Variants in NIPAL1 observed in about 807,000 individuals in gnomAD.
NIPAL1 encodes the protein magnesium transporter NIPA3.
In NIPAL1, 35 loss-of-function variants were observed where a neutral mutation model predicts 37.7. The observed-to-expected ratio is 0.93, with a 90% CI of 0.71 to 1.23. NIPAL1 has a LOEUF of 1.23. NIPAL1 is among the 50% of genes most tolerant of loss of function. The probability of loss-of-function intolerance (pLI) is 0.00; values close to 1 mark genes in which losing one functional copy is unlikely to be tolerated. For missense variants in NIPAL1, 412 were observed against 473.9 expected, an observed-to-expected ratio of 0.87 and a Z score of 1.21; for synonymous variants, 162 against 183.0, an observed-to-expected ratio of 0.89 and a Z score of 0.93.
At position 48,033,089 on chromosome 4, in the gene NIPAL1, T is replaced by C; in HGVS notation, c.461+6T>C. ...GCTTTGAGTGTTCTCATAAGGTATGTGAGCAACAGGGAACTTGGCTTCTGT... is the reference window on the plus strand; with the variant it reads ...GCTTTGAGTGTTCTCATAAGGTATGCGAGCAACAGGGAACTTGGCTTCTGT... On this transcript the variant is annotated splice_donor_region_variant and intron_variant, in intron 4 of 5. Transcript: ENST00000295461. 1.3e-6 allele frequency: 2 copies of C among 1,585,952 alleles called. No individual in the cohort carries two copies. Among genetic ancestry groups the C allele is most frequent in the South Asian group, 1.1e-5 (1 of 89,806 alleles).
chr4:48,026,091 A>G (rs963431676), intron 2 of NIPAL1, among the ~76,000 whole-genome samples: 1 of 152,108 alleles, frequency 6.6e-6, no homozygotes, highest in African/African-American at 2.4e-5. Flanking sequence ...TACCTAGGAT[A>G]ATTTTTAGTT....
chr4:48,025,040 T>C (rs1361745194), intron 1 of NIPAL1, 28 bp from the exon 2 acceptor site: 4 of 1,604,708 alleles, frequency 2.5e-6, no homozygotes, highest in South Asian at 1.1e-5. Context: ...CTTTCATTCC[T>C]GACATTCTCT....
chr4:48,025,957 T>A (rs1218092432), intron 2 of NIPAL1, among the ~76,000 whole-genome samples: 1 of 152,136 alleles, frequency 6.6e-6, no homozygotes, highest in Non-Finnish European at 1.5e-5. Flanking sequence ...AGCTCACTCA[T>A]CCTTCAGACT....
In NIPAL1 at chr4:48,020,763, C is replaced by T. The variant is rs1715551875; in HGVS notation, c.46+3878C>T. Reference sequence around the variant, plus strand: ...CAACATCAGGTGAAGCACCTTTGCCCACATTGGGAAAGGTAAGGGGCTGAA... The same window carrying T: ...CAACATCAGGTGAAGCACCTTTGCCTACATTGGGAAAGGTAAGGGGCTGAA... On this transcript the variant is annotated intron_variant, in intron 1 of 5. Transcript: ENST00000295461. Among the ~76,000 whole-genome samples the T allele has an allele frequency of 2.0e-5, 3 of 152,152 alleles. No homozygotes were observed. In the South Asian group the frequency reaches 6.2e-4, roughly 32 times the overall value.
intron 1 of NIPAL1, among the ~76,000 whole-genome samples, chr4:48,019,265 G>T (rs1716896941): frequency 6.6e-6 from 1 of 152,138 alleles, no homozygotes; most frequent in African/African-American, 2.4e-5. Context: ...CTCCTACCTT[G>T]GCATCCCAAA....
chr4:48,035,551 C>T lies in NIPAL1; in HGVS notation c.623-11C>T, dbSNP rs750010451. 6.3e-7 allele frequency: 1 copy of T among 1,588,352 alleles called. No individual in the cohort carries two copies. Among genetic ancestry groups the T allele is most frequent in the Non-Finnish European group, 8.5e-7 (1 of 1,174,146 alleles). Reference sequence around the variant, plus strand: ...ATTTTCTAAAGTCAAATTCTTTTCTCCTTCTAACAGGGTTTATTTCCTTTG... The same window carrying T: ...ATTTTCTAAAGTCAAATTCTTTTCTTCTTCTAACAGGGTTTATTTCCTTTG... On this transcript the variant is annotated splice_polypyrimidine_tract_variant and intron_variant, in intron 5 of 5. Transcript: ENST00000295461.
intron 1 of NIPAL1, among the ~76,000 whole-genome samples, chr4:48,018,117 G>C (rs1272792901): frequency 1.3e-5 from 2 of 152,120 alleles, no homozygotes; most frequent in African/African-American, 4.8e-5. Context: ...CTGAAAAAGA[G>C]CAATAACGCC....
chr4:48,023,575 A>G (rs756866129), intron 1 of NIPAL1, among the ~76,000 whole-genome samples: 2 of 152,158 alleles, frequency 1.3e-5, no homozygotes, highest in South Asian at 4.1e-4. Context: ...AGAATTTGCC[A>G]TTTTTAAAGG....
At chr4:48,023,835 A>C (rs1338546516) in intron 1 of NIPAL1, among the ~76,000 whole-genome samples, 1 of 152,160 alleles carries the variant, frequency 6.6e-6, no homozygotes, top group Non-Finnish European at 1.5e-5. Flanking sequence ...CATTTTCTTT[A>C]GGACAAAGTG....
rs1006293459 is a variant in NIPAL1 at position 48,036,698 on chromosome 4, C to G, written c.*526C>G. ...ATCCTAGCAGTTTGGGAGGCCAAGGCGGACAGATCACTTGAGCTCAGGAGT... is the reference window on the plus strand; with the variant it reads ...ATCCTAGCAGTTTGGGAGGCCAAGGGGGACAGATCACTTGAGCTCAGGAGT... On this transcript the variant is annotated 3_prime_UTR_variant, in exon 6 of 6. Transcript: ENST00000295461. 27 of 153,896 alleles carry G rather than the reference C, an allele frequency of 1.8e-4. No homozygotes were observed. The highest frequency in any genetic ancestry group is 2.6e-4 in the Non-Finnish European group (18 of 69,440). The allele number at this position is 153,896 out of a possible 1,614,324, so 9.5% of individuals were successfully genotyped here. A position where few individuals can be genotyped will look rare whatever the true frequency, so the allele number is the denominator to read the frequency against.
rs1484755580 is a variant in NIPAL1 at position 48,035,039 on chromosome 4, C to T, written c.620C>T (p.Pro207Leu). 1 of 1,613,138 alleles carries T rather than the reference C, an allele frequency of 6.2e-7. No homozygotes were observed. Residue 207 changes from proline to leucine, a missense_variant and splice_region_variant, in exon 5 of 6, where the codon CCA (proline) becomes CTA (leucine). By Grantham distance (98) the Pro-to-Leu change is moderately conservative (BLOSUM62 -3). Coordinates refer to ENST00000295461, the MANE Select transcript of NIPAL1 (RefSeq NM_207330.3). Reference sequence around the variant, plus strand: ...GAAATGGAAATGAAATTGAGAGACCCAGGTCTGTGATTCAACCTAAAGAAC... The same window carrying T: ...GAAATGGAAATGAAATTGAGAGACCTAGGTCTGTGATTCAACCTAAAGAAC... ...LHEMEMKLRDPGFISFAVIIT... is the reference protein window; with the variant it reads ...LHEMEMKLRDLGFISFAVIIT...
chr4:48,032,096 AT>A (rs1227865136), intron 3 of NIPAL1, among the ~76,000 whole-genome samples: 2 of 152,120 alleles, frequency 1.3e-5, no homozygotes, highest in African/African-American at 4.8e-5. Flanking sequence ...GTAAATTTAG[AT>A]TTGTTTAATG....
In NIPAL1 at chr4:48,037,122, T is replaced by C. The variant is rs2109374541; in HGVS notation, c.*950T>C. ...TTAGTGGGCTAGAATACACAAGACA[T>C]ACCCACCCATGAAGAGTTTATGAAT... is the stretch of plus-strand genomic sequence containing the variant. On this transcript the variant is annotated 3_prime_UTR_variant, in exon 6 of 6. Coordinates refer to ENST00000295461, the MANE Select transcript of NIPAL1 (RefSeq NM_207330.3). 4.3e-6 allele frequency: 1 copy of C among 232,328 alleles called. No individual in the cohort carries two copies. The highest frequency in any genetic ancestry group is 8.8e-6 in the Non-Finnish European group (1 of 113,586). The allele number at this position is 232,328 out of a possible 1,614,324, so 14.4% of individuals were successfully genotyped here. A position where few individuals can be genotyped will look rare whatever the true frequency, so the allele number is the denominator to read the frequency against.
chr4:48,033,470 A>G (rs1001224261), intron 4 of NIPAL1, among the ~76,000 whole-genome samples: 3 of 152,242 alleles, frequency 2.0e-5, no homozygotes, highest in African/African-American at 7.2e-5. Flanking sequence ...GCAATGAAGC[A>G]TAGAAGATTT....
chr4:48,023,461 T>G (rs1005753195), intron 1 of NIPAL1, among the ~76,000 whole-genome samples: 1 of 152,180 alleles, frequency 6.6e-6, no homozygotes, highest in African/African-American at 2.4e-5. Context: ...TTATATGCCT[T>G]CTTAAGATTT....
In NIPAL1 at chr4:48,035,782, T is replaced by C; in HGVS notation, c.843T>C (p.Ala281=). Residue 281 remains alanine, a synonymous_variant, in exon 6 of 6, where the codon GCT becomes GCC. Coordinates refer to ENST00000295461, the MANE Select transcript of NIPAL1 (RefSeq NM_207330.3). The part of the protein sequence containing the change: ...YKHPLVFVLL[A]VLVLSVTTQI... ...ATCCGCTGGTCTTTGTTTTGCTGGCTGTACTTGTGCTTTCAGTAACTACAC... is the reference window on the plus strand; with the variant it reads ...ATCCGCTGGTCTTTGTTTTGCTGGCCGTACTTGTGCTTTCAGTAACTACAC... The C allele has an allele frequency of 6.2e-7, 1 of 1,614,242 alleles. No individual in the cohort carries two copies. The highest frequency in any genetic ancestry group is 8.5e-7 in the Non-Finnish European group (1 of 1,180,038).
rs1715894879 is a variant in NIPAL1 at position 48,034,978 on chromosome 4, C to T, written c.559C>T (p.His187Tyr). The T allele has an allele frequency of 6.2e-7, 1 of 1,613,204 alleles. No homozygotes were observed. Among genetic ancestry groups the T allele is most frequent in the Admixed American group, 1.7e-5 (1 of 59,996 alleles). ...SILGSTVMVIHAPQEEEVTSL... is the reference protein window; with the variant it reads ...SILGSTVMVIYAPQEEEVTSL... ...ATTGGGGTCAACTGTGATGGTTATC[C>T]ATGCCCCACAAGAAGAGGAAGTCAC... Residue 187 changes from histidine to tyrosine, a missense_variant, in exon 5 of 6, where the codon CAT becomes TAT. Physicochemically the swap from His to Tyr is moderately conservative, Grantham distance 83. Coordinates refer to ENST00000295461, the MANE Select transcript of NIPAL1 (RefSeq NM_207330.3).
At chr4:48,025,439 A>G in intron 2 of NIPAL1, 105 bp downstream of exon 2, 3 of 1,163,452 alleles carry the variant, frequency 2.6e-6, no homozygotes, top group Non-Finnish European at 3.6e-6. Flanking sequence ...AATTATAGTT[A>G]TTGATTTTTT....
At position 48,036,305 on chromosome 4, in the gene NIPAL1, A is replaced by C; in HGVS notation, c.*133A>C. On this transcript the variant is annotated 3_prime_UTR_variant, in exon 6 of 6. Transcript: ENST00000295461. ...ACTAATTTAGATGTGAGGCCAAGTAAAAATGCCATTTTTTTGGCCATTGAA... is the reference window on the plus strand; with the variant it reads ...ACTAATTTAGATGTGAGGCCAAGTACAAATGCCATTTTTTTGGCCATTGAA... 1 of 786,676 alleles carries C rather than the reference A, an allele frequency of 1.3e-6. No homozygotes were observed. The highest frequency in any genetic ancestry group is 1.9e-5 in the South Asian group (1 of 52,296). 48.7% of individuals were successfully genotyped at this position (786,676 alleles called of 1,614,324 possible).
Sources: gnomAD v4.1 joint callset for allele counts (sites outside exome capture counted in the v4.1 genomes callset) on GRCh38, gnomAD v4.1.1 for gene constraint, MANE v1.5 for transcripts, NCBI Gene and HGNC (gene_info 2026-07-23, HGNC 2026-07-21) for gene names.